GPC5: variants seen among roughly 807,000 people sequenced by gnomAD.
GPC5 encodes the protein glypican-5.
In GPC5, 47 loss-of-function variants were observed where a neutral mutation model predicts 53.9. The ratio of observed to expected loss-of-function variants is 0.87; its 90% CI spans 0.69 to 1.11. The LOEUF is 1.11. GPC5 is among the 50% of genes most tolerant of loss of function. GPC5 has a pLI of 0.00. For synonymous variants in GPC5, 286 were observed against 263.3 expected (o/e 1.09, Z -0.84); for missense variants, 748 against 713.1 (o/e 1.05, Z -0.56).
intron 7 of GPC5, among the ~76,000 whole-genome samples, chr13:92,595,937 G>A (rs1416011395): frequency 6.6e-6 from 1 of 152,094 alleles, no homozygotes; most frequent in African/African-American, 2.4e-5. Context: ...TTGACAATGT[G>A]AAAATATATT....
chr13:91,645,195 C>G (rs2034529329), intron 2 of GPC5, among the ~76,000 whole-genome samples: 1 of 152,178 alleles, frequency 6.6e-6, no homozygotes, highest in African/African-American at 2.4e-5. Context: ...CTCAAATTTT[C>G]TCCTGTGAGT....
At chr13:91,660,666 G>T (rs893693175) in intron 2 of GPC5, among the ~76,000 whole-genome samples, 1 of 152,162 alleles carries the variant, frequency 6.6e-6, no homozygotes, top group Non-Finnish European at 1.5e-5. Flanking sequence ...ATGGTCTTTT[G>T]TTAATCAGAT....
chr13:92,408,458 G>A (rs1012425622), intron 7 of GPC5, among the ~76,000 whole-genome samples: 9 of 152,034 alleles, frequency 5.9e-5, no homozygotes, highest in Non-Finnish European at 8.8e-5. Flanking sequence ...TCCTTTCCAT[G>A]AGAAGTTTAT....
chr13:91,710,787 G>C (rs1421709139), intron 3 of GPC5, among the ~76,000 whole-genome samples: 1 of 152,130 alleles, frequency 6.6e-6, no homozygotes, highest in Non-Finnish European at 1.5e-5. Flanking sequence ...ATCTAAAGAA[G>C]TTTTTAAAAC....
intron 2 of GPC5, among the ~76,000 whole-genome samples, chr13:91,483,738 C>T (rs1031549889): frequency 1.3e-5 from 2 of 152,162 alleles, no homozygotes; most frequent in Non-Finnish European, 2.9e-5. Flanking sequence ...ACAGTAAGTC[C>T]TCACATCACA....
chr13:92,268,639 A>G (rs1269635322), intron 7 of GPC5, among the ~76,000 whole-genome samples: 7 of 151,932 alleles, frequency 4.6e-5, no homozygotes, highest in Non-Finnish European at 8.8e-5. Context: ...TATTCCTGCT[A>G]GAACTTTTGT....
intron 7 of GPC5, among the ~76,000 whole-genome samples, chr13:92,200,964 C>T (rs1440071023): frequency 7.4e-6 from 1 of 134,296 alleles, no homozygotes; most frequent in East Asian, 2.1e-4. Context: ...GACAGACACA[C>T]AGGCACTCAG....
At chr13:92,696,355 T>C (rs979374701) in intron 7 of GPC5, among the ~76,000 whole-genome samples, 1 of 152,166 alleles carries the variant, frequency 6.6e-6, no homozygotes, top group Admixed American at 6.6e-5. Flanking sequence ...CTCTCCAGCA[T>C]CTGTTGTTTC....
intron 6 of GPC5, among the ~76,000 whole-genome samples, chr13:92,120,864 C>G (rs1344058060): frequency 6.6e-6 from 1 of 152,166 alleles, no homozygotes; most frequent in East Asian, 1.9e-4. Context: ...AATTCATATT[C>G]AAATGAATTT....
At chr13:92,380,060 C>T (rs915738506) in intron 7 of GPC5, among the ~76,000 whole-genome samples, 20 of 152,310 alleles carry the variant, frequency 1.3e-4, no homozygotes, top group African/African-American at 4.1e-4. Context: ...CTAATATTAT[C>T]GTGCAGGCTG....
chr13:91,721,420 C>A (rs538702763), intron 3 of GPC5, among the ~76,000 whole-genome samples: 2 of 152,280 alleles, frequency 1.3e-5, no homozygotes, highest in South Asian at 4.1e-4. Flanking sequence ...CAGGCGTGAG[C>A]CACCGTGCCC....
At chr13:92,692,084 G>T (rs1176584979) in intron 7 of GPC5, among the ~76,000 whole-genome samples, 1 of 151,904 alleles carries the variant, frequency 6.6e-6, no homozygotes, top group East Asian at 1.9e-4. Context: ...ATATCCATGT[G>T]TACCCTATGT....
At chr13:91,773,469 A>G (rs900314771) in intron 5 of GPC5, among the ~76,000 whole-genome samples, 1 of 152,218 alleles carries the variant, frequency 6.6e-6, no homozygotes, top group Non-Finnish European at 1.5e-5. Flanking sequence ...AAAATCTAGA[A>G]GGAAAATTCA....
chr13:92,496,778 G>C (rs772300826), intron 7 of GPC5, among the ~76,000 whole-genome samples: 2 of 152,074 alleles, frequency 1.3e-5, no homozygotes, highest in Non-Finnish European at 2.9e-5. Flanking sequence ...TTGTTACTCA[G>C]GACATGCATT....
intron 6 of GPC5, among the ~76,000 whole-genome samples, chr13:92,140,386 A>G (rs912498781): frequency 1.3e-5 from 2 of 152,188 alleles, no homozygotes; most frequent in African/African-American, 4.8e-5. Context: ...CGTCATTTCT[A>G]AAAGCATGTC....
At chr13:92,075,807 T>C (rs530526952) in intron 6 of GPC5, among the ~76,000 whole-genome samples, 1 of 152,184 alleles carries the variant, frequency 6.6e-6, no homozygotes, top group African/African-American at 2.4e-5. Context: ...ATATGTATCA[T>C]CTTAGTCTTA....
intron 5 of GPC5, among the ~76,000 whole-genome samples, chr13:91,895,832 G>C (rs541093017): frequency 6.6e-6 from 1 of 152,152 alleles, no homozygotes; most frequent in South Asian, 2.1e-4. Context: ...CTGTTGTGGA[G>C]ATCAGAAATC....
chr13:92,223,655 G>GT (rs1316433787), intron 7 of GPC5, among the ~76,000 whole-genome samples: 2 of 151,594 alleles, frequency 1.3e-5, no homozygotes, highest in Non-Finnish European at 2.9e-5. Context: ...GCTTCACTTA[G>GT]TATAATTATG....
intron 7 of GPC5, among the ~76,000 whole-genome samples, chr13:92,495,203 A>T (rs1204652415): frequency 6.6e-6 from 1 of 152,174 alleles, no homozygotes. Context: ...TTTTTAAGTG[A>T]TACTTTCTTG....
Sources: gnomAD v4.1 joint callset for allele counts (sites outside exome capture counted in the v4.1 genomes callset) on GRCh38, gnomAD v4.1.1 for gene constraint, MANE v1.5 for transcripts, NCBI Gene and HGNC (gene_info 2026-07-23, HGNC 2026-07-21) for gene names.